GLRB: variants seen among roughly 807,000 people sequenced by gnomAD.
The protein encoded by GLRB is glycine receptor beta.
GLRB carries 33 observed loss-of-function variants against 54.2 expected under a neutral mutation model. That is an observed-to-expected ratio of 0.61 (90% CI 0.46 to 0.81). The LOEUF is 0.81. Among genes scored for constraint, GLRB ranks in the 40% least tolerant of loss-of-function variants. The pLI, the probability that GLRB is intolerant of heterozygous loss-of-function variation, is 0.00. For synonymous variants in GLRB, 209 were observed against 208.2 expected, an observed-to-expected ratio of 1.00 and a Z score of -0.03; for missense variants, 572 against 584.6, an observed-to-expected ratio of 0.98 and a Z score of 0.22.
At chr4:157,108,603 A>G (rs773706495) in intron 2 of GLRB, among the ~76,000 whole-genome samples, 9 of 152,128 alleles carry the variant, frequency 5.9e-5, no homozygotes, top group Admixed American at 1.3e-4. Context: ...ATTGATTCCT[A>G]TGGATGAGCA....
intron 8 of GLRB, among the ~76,000 whole-genome samples, chr4:157,145,108 A>T (rs1313005443): frequency 2.0e-5 from 3 of 152,178 alleles, no homozygotes. Context: ...GAAGTTTCTT[A>T]TGTTCATGCA....
intron 8 of GLRB, among the ~76,000 whole-genome samples, chr4:157,147,466 A>G (rs946445018): frequency 1.2e-4 from 16 of 130,468 alleles, no homozygotes; most frequent in African/African-American, 7.1e-4. Context: ...AAAGAAGATG[A>G]GGGGGGGATT....
chr4:157,085,686 A>C (rs1418941246), intron 2 of GLRB, among the ~76,000 whole-genome samples: 2 of 151,804 alleles, frequency 1.3e-5, no homozygotes, highest in African/African-American at 4.8e-5. Flanking sequence ...TTCAGTAGAG[A>C]TGGGGTTTCA....
At chr4:157,089,503 C>A (rs1287318545) in intron 2 of GLRB, among the ~76,000 whole-genome samples, 1 of 152,186 alleles carries the variant, frequency 6.6e-6, no homozygotes, top group African/African-American at 2.4e-5. Context: ...GGCTAGCTAT[C>A]TTCTGTAAAC....
chr4:157,116,263 T>C (rs1465538002), intron 2 of GLRB, among the ~76,000 whole-genome samples: 1 of 151,822 alleles, frequency 6.6e-6, no homozygotes, highest in African/African-American at 2.4e-5. Flanking sequence ...GCTTTTGATA[T>C]AAAACTCTAT....
At chr4:157,089,886 T>C (rs1438077644) in intron 2 of GLRB, among the ~76,000 whole-genome samples, 1 of 152,216 alleles carries the variant, frequency 6.6e-6, no homozygotes, top group African/African-American at 2.4e-5. Flanking sequence ...CAGCCTTTCA[T>C]GAGAAATGAC....
chr4:157,159,814 C>T (rs892755367), intron 9 of GLRB, among the ~76,000 whole-genome samples: 1 of 152,058 alleles, frequency 6.6e-6, no homozygotes, highest in African/African-American at 2.4e-5. Context: ...TGTGGCTCTG[C>T]CAGGCTTTGG....
intron 7 of GLRB, among the ~76,000 whole-genome samples, chr4:157,139,401 G>T (rs184794426): frequency 2.0e-5 from 3 of 152,052 alleles, no homozygotes; most frequent in African/African-American, 7.2e-5. Flanking sequence ...CTTATGCTAT[G>T]CAGGAAGCAA....
intron 9 of GLRB, among the ~76,000 whole-genome samples, chr4:157,167,920 T>A (rs1211341653): frequency 5.3e-5 from 8 of 152,004 alleles, no homozygotes; most frequent in Non-Finnish European, 1.2e-4. Context: ...TAGGCTCTTT[T>A]TAACAGTCAA....
intron 4 of GLRB, among the ~76,000 whole-genome samples, chr4:157,126,158 T>G (rs2126542673): frequency 6.6e-6 from 1 of 151,996 alleles, no homozygotes; most frequent in South Asian, 2.1e-4. Flanking sequence ...CAAGCAAAGT[T>G]ATTGGCATTA....
At chr4:157,123,538 G>C (rs1735908463) in intron 4 of GLRB, among the ~76,000 whole-genome samples, 2 of 151,708 alleles carry the variant, frequency 1.3e-5, no homozygotes, top group South Asian at 4.1e-4. Context: ...TGGGGATTAT[G>C]TCCAAAATTC....
At chr4:157,109,325 T>C (rs536596019) in intron 2 of GLRB, among the ~76,000 whole-genome samples, 1 of 152,028 alleles carries the variant, frequency 6.6e-6, no homozygotes, top group Non-Finnish European at 1.5e-5. Context: ...TCCTCAGATT[T>C]GGGATGATTT....
At chr4:157,155,875 C>A (rs1737208811) in intron 9 of GLRB, among the ~76,000 whole-genome samples, 1 of 151,790 alleles carries the variant, frequency 6.6e-6, no homozygotes, top group African/African-American at 2.4e-5. Flanking sequence ...TCTTTGTGTA[C>A]TTTTCCTGCC....
intron 8 of GLRB, among the ~76,000 whole-genome samples, chr4:157,148,293 A>G (rs949976523): frequency 6.6e-6 from 1 of 152,024 alleles, no homozygotes; most frequent in Non-Finnish European, 1.5e-5. Flanking sequence ...AAGCTAAAGG[A>G]TTTTTTATTT....
intron 6 of GLRB, 59 bp downstream of exon 6, chr4:157,136,945 T>C (rs1235354903): frequency 2.1e-6 from 2 of 972,014 alleles, no homozygotes; most frequent in East Asian, 4.8e-5. Context: ...GTCTGGGTAA[T>C]ACATTCTACT....
At chr4:157,149,885 CTT>C (rs1736954103) in intron 8 of GLRB, among the ~76,000 whole-genome samples, 1 of 151,134 alleles carries the variant, frequency 6.6e-6, no homozygotes, top group African/African-American at 2.4e-5. Context: ...CTTCTCTTTT[CTT>C]TTTCTAGTTT....
Position 157,170,774 on chromosome 4 carries a change from C to T in GLRB, c.*46C>T. 9.1e-7 allele frequency: 1 copy of T among 1,102,590 alleles called. No individual in the cohort carries two copies. Among genetic ancestry groups the T allele is most frequent in the South Asian group, 1.8e-5 (1 of 56,506 alleles). The allele number at this position is 1,102,590 out of a possible 1,614,324, so 68.3% of individuals were successfully genotyped here. A position where few individuals can be genotyped will look rare whatever the true frequency, so the allele number is the denominator to read the frequency against. ...AAAATAAAATTCCATTTCATTGTGA[C>T]CTACTCCTTTCATAAATGCCAATCT... On this transcript the variant is annotated 3_prime_UTR_variant, in exon 10 of 10. Coordinates refer to ENST00000264428, the MANE Select transcript of GLRB (RefSeq NM_000824.5).
chr4:157,088,956 T>A (rs1734510085), intron 2 of GLRB, among the ~76,000 whole-genome samples: 1 of 152,196 alleles, frequency 6.6e-6, no homozygotes. Flanking sequence ...CTTTTTGAGC[T>A]CTAATTCACT....
intron 9 of GLRB, among the ~76,000 whole-genome samples, chr4:157,159,881 T>C (rs1737402728): frequency 6.6e-6 from 1 of 152,286 alleles, no homozygotes; most frequent in African/African-American, 2.4e-5. Flanking sequence ...TCTTTTTCTG[T>C]TGATTGGAAT....
Sources: gnomAD v4.1 joint callset for allele counts (sites outside exome capture counted in the v4.1 genomes callset) on GRCh38, gnomAD v4.1.1 for gene constraint, MANE v1.5 for transcripts, NCBI Gene and HGNC (gene_info 2026-07-23, HGNC 2026-07-21) for gene names.